Variants in FOXK2 observed in about 807,000 individuals in gnomAD.
The protein encoded by FOXK2 is forkhead box protein K2.
Under a neutral mutation model 53.3 loss-of-function variants are expected in FOXK2, and 24 were observed. That is an observed-to-expected ratio of 0.45 (90% CI 0.33 to 0.63). FOXK2 has a LOEUF of 0.63. Ranked by LOEUF, FOXK2 falls within the 30% of genes least tolerant of loss-of-function variation. FOXK2 has a pLI of 0.03. For synonymous variants in FOXK2, 505 were observed against 407.1 expected, an observed-to-expected ratio of 1.24 and a Z score of -2.89; for missense variants, 952 against 910.5, an observed-to-expected ratio of 1.05 and a Z score of -0.59.
chr17:82,542,003 C>G lies in FOXK2; in HGVS notation c.420-21351C>G, dbSNP rs568858549. Among the ~76,000 whole-genome samples, 12 of 151,944 alleles carry G rather than the reference C, an allele frequency of 7.9e-5. No individual in the cohort carries two copies. In the East Asian group the frequency reaches 2.3e-3, roughly 29 times the overall value. On this transcript the variant is annotated intron_variant, in intron 1 of 8. Coordinates refer to ENST00000335255, the MANE Select transcript of FOXK2 (RefSeq NM_004514.4). ...TCAAGTGATTCTTTTGCCTCAGCCA[C>G]CCTAGTAGCTGGGATTACAGGCATG...
chr17:82,558,094 A>G (rs1015359152), intron 1 of FOXK2, among the ~76,000 whole-genome samples: 1 of 152,100 alleles, frequency 6.6e-6, no homozygotes, highest in African/African-American at 2.4e-5. Flanking sequence ...GTACTTTGGG[A>G]GGCCAAGACG....
chr17:82,583,761 C>T (rs953338355), intron 5 of FOXK2, among the ~76,000 whole-genome samples: 22 of 152,228 alleles, frequency 1.4e-4, no homozygotes, highest in African/African-American at 4.3e-4. Context: ...GCAGCTGGCT[C>T]CGCCCCACAG....
chr17:82,588,903 A>AAC (rs902716104), intron 8 of FOXK2, among the ~76,000 whole-genome samples: 1 of 150,846 alleles, frequency 6.6e-6, no homozygotes, highest in Non-Finnish European at 1.5e-5. Context: ...AAAAAAAAAA[A>AAC]AACAAATTAG....
intron 8 of FOXK2, chr17:82,595,903 C>T (rs977244415): frequency 7.8e-6 from 10 of 1,279,858 alleles, no homozygotes; most frequent in Non-Finnish European, 9.2e-6. Flanking sequence ...AAGCCTTTTC[C>T]GGCAGCCCGG....
rs188729988 is a variant in FOXK2, at chr17:82,586,139, A to T, written c.1515A>T (p.Ala505=). 1.1e-4 allele frequency: 170 copies of T among 1,612,594 alleles called. No homozygotes were observed. The East Asian group carries it at 3.5e-3, about 33-fold the overall frequency. The change falls in exon 7 of 9, where the codon GCA becomes GCT. Residue 505 remains alanine (A), a synonymous_variant. Coordinates refer to ENST00000335255, the MANE Select transcript of FOXK2 (RefSeq NM_004514.4). ...CTGGACAAGCTGTGGTCACCCCGGC[A>T]GCCGTGCTGGCCCCTCCTAAGGCAG... ...TVSGQAVVTP[A]AVLAPPKAEA...
chr17:82,538,662 A>T (rs2044544793), intron 1 of FOXK2, among the ~76,000 whole-genome samples: 1 of 152,122 alleles, frequency 6.6e-6, no homozygotes, highest in African/African-American at 2.4e-5. Flanking sequence ...AATGCTCTGC[A>T]CCGTGTTTTA....
intron 1 of FOXK2, among the ~76,000 whole-genome samples, chr17:82,542,091 G>A (rs1020846926): frequency 3.3e-5 from 5 of 151,480 alleles, no homozygotes; most frequent in Admixed American, 1.3e-4. Flanking sequence ...ACGTTGGCCA[G>A]TGTGGTCTTG....
intron 4 of FOXK2, chr17:82,577,431 C>A (rs73999995): frequency 2.5e-6 from 1 of 405,842 alleles, no homozygotes; most frequent in Admixed American, 4.3e-5. Context: ...CGCCTGTGGC[C>A]CAACCTGCAT....
chr17:82,553,668 C>CT (rs2044697317), intron 1 of FOXK2, among the ~76,000 whole-genome samples: 1 of 152,176 alleles, frequency 6.6e-6, no homozygotes, highest in African/African-American at 2.4e-5. Flanking sequence ...GAAGAGGCCC[C>CT]TAGACCTTGG....
chr17:82,582,713 A>G (rs1188070464), intron 4 of FOXK2, 28 bp from the exon 5 acceptor site: 1 of 1,525,518 alleles, frequency 6.6e-7, no homozygotes, highest in Non-Finnish European at 8.8e-7. Context: ...AAATATATGA[A>G]TTCTACGTAT....
chr17:82,568,628 A>G (rs35502741), intron 3 of FOXK2, among the ~76,000 whole-genome samples: 308 of 152,346 alleles, frequency 2.0e-3, no homozygotes, highest in Non-Finnish European at 3.0e-3. Flanking sequence ...TGAGAGTCAC[A>G]CTATGACCTG....
At position 82,601,699 on chromosome 17, in the gene FOXK2, T is replaced by C; in HGVS notation, c.*200T>C. 1.9e-6 allele frequency: 1 copy of C among 531,726 alleles called. No homozygotes were observed. 32.9% of individuals were successfully genotyped at this position (531,726 alleles called of 1,614,324 possible). On this transcript the variant is annotated 3_prime_UTR_variant, in exon 9 of 9. Coordinates refer to ENST00000335255, the MANE Select transcript of FOXK2 (RefSeq NM_004514.4). The stretch of plus-strand genomic sequence containing the variant: ...AAAACCCACACACAACAAAACCTGA[T>C]TTGGGAGACGGTGTCTCCACTGAGC...
chr17:82,571,965 G>C, intron 4 of FOXK2, 95 bp downstream of exon 4: 1 of 1,272,002 alleles, frequency 7.9e-7, no homozygotes. Context: ...AGGATAGGAA[G>C]GTAGAAGGGG....
intron 5 of FOXK2, 49 bp downstream of exon 5, chr17:82,582,983 A>G: frequency 7.5e-7 from 1 of 1,336,476 alleles, no homozygotes; most frequent in Non-Finnish European, 1.0e-6. Flanking sequence ...TACTAAACTT[A>G]CCTTCAGTGT....
intron 3 of FOXK2, among the ~76,000 whole-genome samples, chr17:82,568,949 T>A (rs574982732): frequency 3.4e-4 from 51 of 152,026 alleles, no homozygotes; most frequent in Admixed American, 3.3e-3. Flanking sequence ...GAGGCGGAGG[T>A]TGCAGTGAGC....
chr17:82,591,767 A>G (rs2045255022), intron 8 of FOXK2, among the ~76,000 whole-genome samples: 1 of 152,198 alleles, frequency 6.6e-6, no homozygotes, highest in Non-Finnish European at 1.5e-5. Flanking sequence ...CCCCTGCCTC[A>G]GGGCTGCGGG....
chr17:82,582,410 C>T (rs893371972), intron 4 of FOXK2, among the ~76,000 whole-genome samples: 3 of 152,208 alleles, frequency 2.0e-5, no homozygotes, highest in Admixed American at 2.0e-4. Flanking sequence ...CTGAAGGGCT[C>T]AAACCCCAGG....
At chr17:82,539,647 T>A (rs1041443932) in intron 1 of FOXK2, among the ~76,000 whole-genome samples, 4 of 145,980 alleles carry the variant, frequency 2.7e-5, no homozygotes, top group African/African-American at 1.0e-4. Flanking sequence ...GACCTTGTTT[T>A]AAAAAAAAAA....
Position 82,602,478 on chromosome 17 carries a change from G to A in FOXK2, c.*979G>A, listed in dbSNP as rs1185590810. 6.6e-5 allele frequency: 10 copies of A among 152,238 alleles called. No homozygotes were observed. The highest frequency in any genetic ancestry group is 2.2e-4 in the African/African-American group (9 of 41,452). The allele number at this position is 152,238 out of a possible 1,614,324, so 9.4% of individuals were successfully genotyped here. ...TTATCACAGGCCCTTTTGAAACTCA[G>A]ATCCCAGGTCTCTCCGTGGTATGTT... On this transcript the variant is annotated 3_prime_UTR_variant, in exon 9 of 9. Coordinates refer to ENST00000335255, the MANE Select transcript of FOXK2 (RefSeq NM_004514.4).
Sources: gnomAD v4.1 joint callset for allele counts (sites outside exome capture counted in the v4.1 genomes callset) on GRCh38, gnomAD v4.1.1 for gene constraint, MANE v1.5 for transcripts, NCBI Gene and HGNC (gene_info 2026-07-23, HGNC 2026-07-21) for gene names.